The following TBC1D5 variants were observed in gnomAD, a reference collection of about 807,000 sequenced individuals.
The protein encoded by TBC1D5 is TBC1 domain family member 5.
In TBC1D5, 75 loss-of-function variants were observed where a neutral mutation model predicts 100.3. The ratio of observed to expected loss-of-function variants is 0.75; its 90% CI spans 0.62 to 0.91. The LOEUF is 0.91. Among genes scored for constraint, TBC1D5 ranks in the 40% least tolerant of loss-of-function variants. The pLI is 0.00. For synonymous variants in TBC1D5, 323 were observed against 325.6 expected (o/e 0.99, Z 0.09); for missense variants, 910 against 942.4 (o/e 0.97, Z 0.45).
intron 18 of TBC1D5, among the ~76,000 whole-genome samples, chr3:17,202,758 A>G (rs974026618): frequency 3.9e-5 from 6 of 152,224 alleles, no homozygotes; most frequent in Non-Finnish European, 5.9e-5. Context: ...AAACCTTGGC[A>G]GCTTTCACAT....
chr3:17,408,058 G>A (rs1050204553), intron 4 of TBC1D5, among the ~76,000 whole-genome samples: 1 of 152,002 alleles, frequency 6.6e-6, no homozygotes, highest in Non-Finnish European at 1.5e-5. Context: ...ATGGACATGA[G>A]AGGCACATGC....
At chr3:17,499,947 G>C (rs1361889194) in intron 3 of TBC1D5, among the ~76,000 whole-genome samples, 1 of 149,248 alleles carries the variant, frequency 6.7e-6, no homozygotes, top group Non-Finnish European at 1.5e-5. Context: ...TAGAAAGGAT[G>C]GTGGAGAATA....
chr3:17,527,718 G>A (rs1025788264), intron 2 of TBC1D5, among the ~76,000 whole-genome samples: 4 of 151,918 alleles, frequency 2.6e-5, no homozygotes, highest in Non-Finnish European at 2.9e-5. Context: ...AACAAGATCA[G>A]TAAAAAAAGA....
At chr3:17,582,140 T>C (rs2096702334) in intron 2 of TBC1D5, among the ~76,000 whole-genome samples, 1 of 152,220 alleles carries the variant, frequency 6.6e-6, no homozygotes, top group African/African-American at 2.4e-5. Flanking sequence ...TTTATGCTGC[T>C]ACTTATCAAC....
chr3:17,414,890 G>T (rs2094025479), intron 4 of TBC1D5, among the ~76,000 whole-genome samples: 1 of 151,968 alleles, frequency 6.6e-6, no homozygotes, highest in South Asian at 2.1e-4. Context: ...AAAACAGAAT[G>T]CACAATTACA....
chr3:17,575,753 C>T (rs1416400913), intron 2 of TBC1D5, among the ~76,000 whole-genome samples: 1 of 151,830 alleles, frequency 6.6e-6, no homozygotes, highest in East Asian at 1.9e-4. Flanking sequence ...GTAATATGTA[C>T]CAACAAACTA....
chr3:17,255,532 T>G (rs554785680), intron 16 of TBC1D5, among the ~76,000 whole-genome samples: 8 of 152,222 alleles, frequency 5.3e-5, no homozygotes, highest in African/African-American at 1.9e-4. Flanking sequence ...CTGCCTAAAT[T>G]CTTCATACAT....
chr3:17,284,024 C>T (rs1039839961), intron 15 of TBC1D5, among the ~76,000 whole-genome samples: 3 of 151,596 alleles, frequency 2.0e-5, no homozygotes, highest in Non-Finnish European at 2.9e-5. Flanking sequence ...CTCAGAAGGG[C>T]TTTTTGACCA....
chr3:17,704,212 A>ACCCTG (rs2073642023), intron 1 of TBC1D5, among the ~76,000 whole-genome samples: 1 of 134,096 alleles, frequency 7.5e-6, no homozygotes, highest in Non-Finnish European at 1.6e-5. Context: ...GACACAGCAC[A>ACCCTG]TGTTTCAGAG....
At chr3:17,195,835 T>C (rs367543341) in intron 18 of TBC1D5, among the ~76,000 whole-genome samples, 1 of 152,034 alleles carries the variant, frequency 6.6e-6, no homozygotes, top group Non-Finnish European at 1.5e-5. Flanking sequence ...AATAATTCTC[T>C]AAATTGCCTG....
At chr3:17,683,244 C>G (rs2069747859) in intron 1 of TBC1D5, among the ~76,000 whole-genome samples, 1 of 151,386 alleles carries the variant, frequency 6.6e-6, no homozygotes, top group Non-Finnish European at 1.5e-5. Context: ...CTTAATCATT[C>G]TTTTAACAAT....
intron 3 of TBC1D5, among the ~76,000 whole-genome samples, chr3:17,464,365 T>A (rs573148767): frequency 1.2e-4 from 19 of 152,306 alleles, no homozygotes; most frequent in African/African-American, 4.6e-4. Context: ...TCTCTAAATA[T>A]GCATCCATTT....
At chr3:17,407,820 G>A (rs886446209) in intron 4 of TBC1D5, among the ~76,000 whole-genome samples, 3 of 152,096 alleles carry the variant, frequency 2.0e-5, no homozygotes, top group African/African-American at 7.2e-5. Flanking sequence ...ATTGCTAAAT[G>A]AGACACACAT....
chr3:17,476,377 T>A (rs2095438209), intron 3 of TBC1D5, among the ~76,000 whole-genome samples: 1 of 152,058 alleles, frequency 6.6e-6, no homozygotes, highest in Non-Finnish European at 1.5e-5. Flanking sequence ...AGTTGTCCTC[T>A]GCACCACTTA....
chr3:17,266,360 T>C (rs941876085), intron 15 of TBC1D5, among the ~76,000 whole-genome samples: 16 of 152,306 alleles, frequency 1.1e-4, no homozygotes, highest in African/African-American at 3.6e-4. Context: ...CTGAATATTA[T>C]CTAAATATTA....
At chr3:17,339,362 G>A (rs973550489) in intron 13 of TBC1D5, among the ~76,000 whole-genome samples, 4 of 152,166 alleles carry the variant, frequency 2.6e-5, no homozygotes, top group African/African-American at 9.7e-5. Flanking sequence ...AGTCCCCTGT[G>A]AGCAACACTA....
chr3:17,688,013 C>T (rs1338666774), intron 1 of TBC1D5, among the ~76,000 whole-genome samples: 1 of 151,894 alleles, frequency 6.6e-6, no homozygotes, highest in Non-Finnish European at 1.5e-5. Flanking sequence ...AAGTTCACTG[C>T]AAATTAATGA....
At chr3:17,486,028 G>A (rs1270832271) in intron 3 of TBC1D5, among the ~76,000 whole-genome samples, 36 of 151,660 alleles carry the variant, frequency 2.4e-4, no homozygotes, top group African/African-American at 5.1e-4. Flanking sequence ...TTTAATGGTC[G>A]CCATTCTAAC....
intron 21 of TBC1D5, among the ~76,000 whole-genome samples, chr3:17,166,250 A>C (rs1467049808): frequency 2.0e-5 from 3 of 152,108 alleles, no homozygotes; most frequent in Admixed American, 6.5e-5. Context: ...GCAAATCCTG[A>C]AATACTTACG....
Sources: allele counts gnomAD v4.1 joint callset (sites outside exome capture counted in the v4.1 genomes callset), GRCh38; gene constraint gnomAD v4.1.1; transcripts MANE v1.5; gene names NCBI Gene and HGNC (gene_info 2026-07-23, HGNC 2026-07-21).